Variants in SNTG1 observed in about 807,000 individuals in gnomAD.
SNTG1 encodes gamma-1-syntrophin.
In SNTG1, 39 loss-of-function variants were observed where a neutral mutation model predicts 74.7. The observed-to-expected ratio is 0.52, with a 90% CI of 0.40 to 0.68. The LOEUF is 0.68. Among genes scored for constraint, SNTG1 ranks in the 30% least tolerant of loss-of-function variants. SNTG1 has a pLI of 0.00. For synonymous variants in SNTG1, 254 were observed against 217.1 expected (o/e 1.17, Z -1.49); for missense variants, 685 against 609.5 (o/e 1.12, Z -1.30).
At chr8:50,248,089 A>G (rs781532991) in intron 2 of SNTG1, among the ~76,000 whole-genome samples, 41 of 152,098 alleles carry the variant, frequency 2.7e-4, no homozygotes, top group Non-Finnish European at 5.4e-4. Context: ...TTATAAAGAC[A>G]TCTGTCATAT....
chr8:50,197,096 AG>A (rs1232942468), intron 2 of SNTG1, among the ~76,000 whole-genome samples: 2 of 152,200 alleles, frequency 1.3e-5, no homozygotes, highest in Admixed American at 1.3e-4. Flanking sequence ...CTTGAAAAGT[AG>A]GAACTGGAAG....
At chr8:50,125,719 TG>T (rs1267308387) in intron 1 of SNTG1, among the ~76,000 whole-genome samples, 1 of 150,356 alleles carries the variant, frequency 6.7e-6, no homozygotes, top group Non-Finnish European at 1.5e-5. Flanking sequence ...AAGGTGTCAT[TG>T]TACAGTGACT....
At position 50,486,588 on chromosome 8, in the gene SNTG1, G is replaced by A. The variant is rs567646964; in HGVS notation, c.364-16190G>A. On this transcript the variant is annotated intron_variant, in intron 8 of 18. Coordinates refer to ENST00000642720, the MANE Select transcript of SNTG1 (RefSeq NM_018967.5). ...GGTTTTCTAGATATACAATCATGTC[G>A]TCTGCAAACAGGGACAATTTGACTT... Among the ~76,000 whole-genome samples the A allele has an allele frequency of 7.6e-3, 842 of 110,592 alleles. 3 individuals carry two copies. The highest frequency in any genetic ancestry group is 0.018 in the Middle Eastern group (4 of 222). 72.6% of individuals were successfully genotyped at this position (110,592 alleles called of 152,430 possible).
rs2083678192 is a variant in SNTG1, at chr8:50,194,150, CCTGGTTTAGGTATTAGGGTGATG to C, written c.-28+21520_-28+21542del. ...AGTTTTCTTTTCAGTTATGTCCTTT[CCTGGTTTAGGTATTAGGGTGATG>C]CTGGCTCCATAAATTGAATTAGGGA... On this transcript the variant is annotated intron_variant, in intron 2 of 18. Transcript: ENST00000642720. Among the ~76,000 whole-genome samples the C allele has an allele frequency of 3.3e-5, 5 of 151,980 alleles. No individual in the cohort carries two copies. In the South Asian group the frequency reaches 1.0e-3, roughly 31 times the overall value.
At chr8:50,092,025 T>C (rs1169183859) in intron 1 of SNTG1, among the ~76,000 whole-genome samples, 2 of 152,158 alleles carry the variant, frequency 1.3e-5, no homozygotes, top group Admixed American at 1.3e-4. Flanking sequence ...ACCCTTCTTT[T>C]CCCACTTCGT....
intron 8 of SNTG1, among the ~76,000 whole-genome samples, chr8:50,495,129 TC>T (rs1173186339): frequency 6.6e-6 from 1 of 152,146 alleles, no homozygotes; most frequent in African/African-American, 2.4e-5. Flanking sequence ...GTTCTTTCTT[TC>T]ATCATATAAC....
rs553920926 is a variant in SNTG1 at position 50,333,935 on chromosome 8, A to G, written c.-27-60277A>G. Among the ~76,000 whole-genome samples, 12 of 152,354 alleles carry G rather than the reference A, an allele frequency of 7.9e-5. No homozygotes were observed. In the East Asian group the frequency reaches 1.7e-3, roughly 22 times the overall value. Reference sequence around the variant, plus strand: ...CATGGATGCATACAATCTTACATGGATAATGTACATAATTTAGATTCTTGT... The same window carrying G: ...CATGGATGCATACAATCTTACATGGGTAATGTACATAATTTAGATTCTTGT... On this transcript the variant is annotated intron_variant, in intron 2 of 18. Transcript: ENST00000642720.
chr8:50,215,131 G>A (rs1277603283), intron 2 of SNTG1, among the ~76,000 whole-genome samples: 2 of 152,054 alleles, frequency 1.3e-5, no homozygotes, highest in African/African-American at 2.4e-5. Context: ...TTCTCCTGGG[G>A]CCCTGTCTCC....
chr8:50,396,174 A>C (rs965294204), intron 3 of SNTG1, among the ~76,000 whole-genome samples: 3 of 152,234 alleles, frequency 2.0e-5, no homozygotes, highest in Admixed American at 1.3e-4. Context: ...AGTAATCCTT[A>C]GTACTGAAAA....
chr8:49,938,367 T>G (rs1808277378), intron 1 of SNTG1, among the ~76,000 whole-genome samples: 1 of 152,176 alleles, frequency 6.6e-6, no homozygotes, highest in South Asian at 2.1e-4. Flanking sequence ...ATAATAATTA[T>G]AATCCCCACT....
chr8:50,143,971 G>C (rs1203593578), intron 1 of SNTG1, among the ~76,000 whole-genome samples: 6 of 152,102 alleles, frequency 3.9e-5, no homozygotes, highest in African/African-American at 1.4e-4. Context: ...GTCACCAGAA[G>C]CCTTCCATCA....
intron 1 of SNTG1, among the ~76,000 whole-genome samples, chr8:50,134,975 C>T (rs1334674651): frequency 6.6e-6 from 1 of 152,052 alleles, no homozygotes; most frequent in Non-Finnish European, 1.5e-5. Flanking sequence ...AGAACTGATC[C>T]TGGATTGGGT....
chr8:50,350,014 G>C (rs1052272188), intron 2 of SNTG1, among the ~76,000 whole-genome samples: 1 of 152,200 alleles, frequency 6.6e-6, no homozygotes, highest in African/African-American at 2.4e-5. Context: ...CACTCAGAGC[G>C]GCCAGCCAGG....
At chr8:50,522,859 G>A (rs1041300362) in intron 9 of SNTG1, among the ~76,000 whole-genome samples, 2 of 152,170 alleles carry the variant, frequency 1.3e-5, no homozygotes, top group Admixed American at 6.5e-5. Flanking sequence ...TTATAGGCAT[G>A]AGCCACTGTA....
chr8:50,485,514 G>T (rs2093783996), intron 8 of SNTG1, among the ~76,000 whole-genome samples: 1 of 151,820 alleles, frequency 6.6e-6, no homozygotes, highest in African/African-American at 2.4e-5. Context: ...TTTTGATGGG[G>T]TTGTTTGTTT....
chr8:50,376,729 T>TTA lies in SNTG1; in HGVS notation c.-27-17456_-27-17455dup, dbSNP rs375978893. Among the ~76,000 whole-genome samples, 689 of 100,482 alleles carry TTA rather than the reference T, an allele frequency of 6.9e-3. 6 individuals carry two copies. Among genetic ancestry groups the TTA allele is most frequent in the African/African-American group, 0.02 (562 of 27,504 alleles). 65.9% of individuals were successfully genotyped at this position (100,482 alleles called of 152,430 possible). The stretch of plus-strand genomic sequence containing the variant: ...ATATTATATATTTAATATTAATAAA[T>TTA]TATATATATATATATATATATATAT... On this transcript the variant is annotated intron_variant, in intron 2 of 18. Transcript: ENST00000642720.
intron 8 of SNTG1, among the ~76,000 whole-genome samples, chr8:50,486,971 T>C (rs1339867428): frequency 1.3e-5 from 2 of 152,260 alleles, no homozygotes; most frequent in African/African-American, 4.8e-5. Context: ...TTGCATATAT[T>C]GAACCAGCCT....
At chr8:50,013,667 G>A (rs1162309012) in intron 1 of SNTG1, among the ~76,000 whole-genome samples, 1 of 152,008 alleles carries the variant, frequency 6.6e-6, no homozygotes, top group Non-Finnish European at 1.5e-5. Context: ...GTGATGTGGT[G>A]ATGCATATAA....
chr8:50,791,020 G>T (rs2095689299), intron 18 of SNTG1, among the ~76,000 whole-genome samples: 6 of 151,802 alleles, frequency 4.0e-5, no homozygotes. Context: ...TGTTGTTGTT[G>T]TTTTATTTTT....
Sources: gnomAD v4.1 joint callset for allele counts (sites outside exome capture counted in the v4.1 genomes callset) on GRCh38, gnomAD v4.1.1 for gene constraint, MANE v1.5 for transcripts, NCBI Gene and HGNC (gene_info 2026-07-23, HGNC 2026-07-21) for gene names.